Variants in NPIPB2 observed in about 807,000 individuals in gnomAD.
NPIPB2 encodes nuclear pore complex interacting protein family member B2.
A neutral mutation model predicts 30.8 loss-of-function variants in NPIPB2; 27 were observed. The observed-to-expected ratio is 0.88, with a 90% CI of 0.65 to 1.21. The LOEUF is 1.21. Among genes scored for constraint, NPIPB2 ranks in the 50% most tolerant of loss-of-function variants. NPIPB2 has a pLI of 0.00. For missense variants in NPIPB2, 440 were observed against 446.2 expected (o/e 0.99, Z 0.13); for synonymous variants, 147 against 162.0 (o/e 0.91, Z 0.70).
chr16:11,933,819 C>G lies in NPIPB2; in HGVS notation c.292+6G>C. ...CCACACTATGGGGACTCCAACAGAGCCATACCTTCCTGTCTACGGCGGTTG... is the reference window on the plus strand; with the variant it reads ...CCACACTATGGGGACTCCAACAGAGGCATACCTTCCTGTCTACGGCGGTTG... On this transcript the variant is annotated splice_donor_region_variant and intron_variant, in intron 3 of 7. Transcript: ENST00000399147. The G allele has an allele frequency of 6.3e-7, 1 of 1,589,168 alleles. No homozygotes were observed. The highest frequency in any genetic ancestry group is 8.5e-7 in the Non-Finnish European group (1 of 1,172,084).
At chr16:11,967,289 A>C (rs2055201965) in intron 1 of NPIPB2, 2 of 373,098 alleles carry the variant, frequency 5.4e-6, no homozygotes, top group South Asian at 8.7e-5. Context: ...GGCGTGAGCC[A>C]CAGGGCCCAG....
At chr16:11,927,521 G>C (rs773845666) in exon 8 of NPIPB2, 2 of 1,581,260 alleles carry the variant, frequency 1.3e-6, no homozygotes, top group Non-Finnish European at 1.7e-6. Flanking sequence ...GGGTTCGGGT[G>C]GTGATTCCAT....
intron 1 of NPIPB2, among the ~76,000 whole-genome samples, chr16:11,954,445 T>A (rs574372761): frequency 6.8e-6 from 1 of 147,658 alleles, no homozygotes; most frequent in East Asian, 2.0e-4. Flanking sequence ...ACCACTGCAC[T>A]CCAGCCTGGG....
chr16:11,945,373 C>T (rs1376124356), upstream of NPIPB2, among the ~76,000 whole-genome samples: 7 of 151,472 alleles, frequency 4.6e-5, no homozygotes, highest in East Asian at 5.8e-4. Context: ...ATAGTGAGAC[C>T]GTGTTTCAAA....
chr16:11,953,910 A>T (rs972957795), intron 1 of NPIPB2, among the ~76,000 whole-genome samples: 3 of 151,430 alleles, frequency 2.0e-5, no homozygotes, highest in Non-Finnish European at 4.4e-5. Flanking sequence ...TCCTGACCTC[A>T]AGTGATTTGC....
upstream of NPIPB2, among the ~76,000 whole-genome samples, chr16:11,943,906 G>A (rs1336430132): frequency 6.7e-6 from 1 of 148,674 alleles, no homozygotes; most frequent in Non-Finnish European, 1.5e-5. Context: ...GCCGAGGCAG[G>A]AGAATGGCGT....
At chr16:11,936,797 T>A (rs2054873618) in intron 2 of NPIPB2, among the ~76,000 whole-genome samples, 1 of 143,452 alleles carries the variant, frequency 7.0e-6, no homozygotes, top group Admixed American at 7.0e-5. Context: ...CAGACACACT[T>A]TTCATTGATT....
intron 4 of NPIPB2, among the ~76,000 whole-genome samples, chr16:11,931,905 A>C (rs2054794595): frequency 6.6e-6 from 1 of 152,058 alleles, no homozygotes. Flanking sequence ...CATTTCCCTG[A>C]GTTTCATTGC....
At chr16:11,947,143 G>A (rs2055018966) in intron 1 of NPIPB2, among the ~76,000 whole-genome samples, 1 of 145,210 alleles carries the variant, frequency 6.9e-6, no homozygotes, top group Non-Finnish European at 1.5e-5. Flanking sequence ...TTGTTCTGAT[G>A]GAGTCTCACT....
At chr16:11,976,173 C>T (rs964372780) in intron 1 of NPIPB2, among the ~76,000 whole-genome samples, 7 of 152,148 alleles carry the variant, frequency 4.6e-5, no homozygotes, top group African/African-American at 1.2e-4. Flanking sequence ...AGGTGATCCG[C>T]TCGCCTCGGC....
intron 1 of NPIPB2, among the ~76,000 whole-genome samples, chr16:11,953,073 A>G (rs2055081914): frequency 6.6e-6 from 1 of 152,098 alleles, no homozygotes; most frequent in African/African-American, 2.4e-5. Flanking sequence ...TCTCTGCTGA[A>G]TTCATTCCAT....
At chr16:11,937,921 C>T (rs568291449) in intron 1 of NPIPB2, among the ~76,000 whole-genome samples, 2 of 152,196 alleles carry the variant, frequency 1.3e-5, no homozygotes, top group South Asian at 4.1e-4. Flanking sequence ...GATATCCAAT[C>T]TTTTGACTTC....
chr16:11,972,862 CAA>C (rs200717499), intron 1 of NPIPB2, among the ~76,000 whole-genome samples: 19 of 100,288 alleles, frequency 1.9e-4, no homozygotes, highest in Admixed American at 4.3e-4. Flanking sequence ...GATTCGGACT[CAA>C]AAAAAAAAAA....
intron 4 of NPIPB2, among the ~76,000 whole-genome samples, chr16:11,932,961 A>AT: frequency 6.7e-6 from 1 of 148,614 alleles, no homozygotes; most frequent in East Asian, 2.0e-4. Flanking sequence ...CTATCTCAAA[A>AT]TTAAAAAAAA....
rs1179835372 is a variant in NPIPB2, at chr16:11,933,581, T to A, written c.424A>T (p.Lys142Ter). Residue 142 changes from lysine to a stop codon, truncating the protein, a stop_gained, in exon 4 of 8, where the codon AAG becomes TAG. Coordinates refer to ENST00000399147, the Ensembl canonical transcript of NPIPB2. LOFTEE classifies it high-confidence loss of function. ...TGATGGTTGATTTTCGTTGTCACCT[T>A]CATCTTACGGATTTTAGCTCTACCT... is the stretch of plus-strand genomic sequence containing the variant. 11 of 1,592,794 alleles carry A rather than the reference T, an allele frequency of 6.9e-6. No homozygotes were observed. Among genetic ancestry groups the A allele is most frequent in the Admixed American group, 1.7e-5 (1 of 59,056 alleles).
chr16:11,945,127 C>T (rs915554557), upstream of NPIPB2, among the ~76,000 whole-genome samples: 6 of 151,964 alleles, frequency 3.9e-5, no homozygotes, highest in African/African-American at 1.2e-4. Flanking sequence ...GCAGAGGTTG[C>T]GGTGGCCGAG....
At chr16:11,933,393 C>G (rs1400615358) in intron 4 of NPIPB2, 124 bp downstream of exon 4, 41 of 1,422,810 alleles carry the variant, frequency 2.9e-5, no homozygotes, top group Non-Finnish European at 3.8e-5. Context: ...AAAGGACAAA[C>G]TCAATTTTGA....
Position 11,935,524 on chromosome 16 carries a change from A to T in NPIPB2, c.193-1600T>A, listed in dbSNP as rs144469908. Among the ~76,000 whole-genome samples the T allele has an allele frequency of 7.0e-4, 106 of 152,258 alleles. No individual in the cohort carries two copies. The East Asian group carries it at 0.02, about 28-fold the overall frequency. On this transcript the variant is annotated intron_variant, in intron 2 of 7. Transcript: ENST00000399147. The stretch of plus-strand genomic sequence containing the variant: ...AGATGGGGTTTTACCATGTTGGCCC[A>T]TCTGGTCTTGAACTCCTGACCTCAG...
chr16:11,952,146 C>G (rs1312335660), intron 1 of NPIPB2, among the ~76,000 whole-genome samples: 1 of 117,150 alleles, frequency 8.5e-6, no homozygotes, highest in African/African-American at 3.2e-5. Flanking sequence ...GAGTGAGACT[C>G]TGCCTCAAAA....
Sources: gnomAD v4.1 joint callset for allele counts (sites outside exome capture counted in the v4.1 genomes callset) on GRCh38, gnomAD v4.1.1 for gene constraint, MANE v1.5 for transcripts, NCBI Gene and HGNC (gene_info 2026-07-23, HGNC 2026-07-21) for gene names.